FSTL4: variants seen among roughly 807,000 people sequenced by gnomAD.
FSTL4 encodes follistatin like 4, also known as follistatin-related protein 4.
A neutral mutation model predicts 78.2 loss-of-function variants in FSTL4; 28 were observed. That is an observed-to-expected ratio of 0.36 (90% CI 0.27 to 0.49). The LOEUF (loss-of-function observed/expected upper bound fraction) is 0.49, where lower values mean the gene tolerates loss of function less well. FSTL4 is among the 20% of genes least tolerant of loss of function. FSTL4 has a pLI of 0.98. For missense variants in FSTL4, 922 were observed against 1,084.9 expected, an observed-to-expected ratio of 0.85 and a Z score of 2.11; for synonymous variants, 422 against 440.5, an observed-to-expected ratio of 0.96 and a Z score of 0.53.
intron 3 of FSTL4, among the ~76,000 whole-genome samples, chr5:133,417,149 A>G (rs991179276): frequency 2.6e-5 from 4 of 152,256 alleles, no homozygotes; most frequent in African/African-American, 9.6e-5. Context: ...GTAATGAAGG[A>G]ATATATGTCT....
intron 13 of FSTL4, among the ~76,000 whole-genome samples, chr5:133,216,964 A>G (rs1750926423): frequency 6.6e-6 from 1 of 152,206 alleles, no homozygotes; most frequent in South Asian, 2.1e-4. Context: ...CTGGTTTTTC[A>G]TAGTCCTTAT....
At chr5:133,400,324 C>G (rs1443935030) in intron 4 of FSTL4, among the ~76,000 whole-genome samples, 1 of 152,214 alleles carries the variant, frequency 6.6e-6, no homozygotes, top group Non-Finnish European at 1.5e-5. Flanking sequence ...AGACATTGCG[C>G]TGGTGTCTGC....
At chr5:133,502,464 G>T (rs992767351) in intron 3 of FSTL4, among the ~76,000 whole-genome samples, 1 of 152,192 alleles carries the variant, frequency 6.6e-6, no homozygotes, top group African/African-American at 2.4e-5. Flanking sequence ...GTTTGGATCT[G>T]TGTCCCCACG....
chr5:133,778,271 A>G, the FSTL4 span, among the ~76,000 whole-genome samples: 1 of 152,212 alleles, frequency 6.6e-6, no homozygotes, highest in Admixed American at 6.5e-5. Context: ...AGGCTTCTCA[A>G]AGAAAGCCCA....
the FSTL4 span, among the ~76,000 whole-genome samples, chr5:133,654,760 A>G: frequency 6.6e-6 from 1 of 152,172 alleles, no homozygotes; most frequent in Non-Finnish European, 1.5e-5. Flanking sequence ...TCCTTGATGG[A>G]GAGCGCCTGA....
At chr5:133,241,941 A>C (rs929807576) in intron 7 of FSTL4, among the ~76,000 whole-genome samples, 17 of 152,302 alleles carry the variant, frequency 1.1e-4, no homozygotes, top group African/African-American at 4.1e-4. Flanking sequence ...GGCTCATTTC[A>C]GGGACCAAGA....
the FSTL4 span, among the ~76,000 whole-genome samples, chr5:133,696,972 C>T: frequency 5.9e-5 from 9 of 152,338 alleles, no homozygotes; most frequent in Middle Eastern, 3.4e-3. Flanking sequence ...AACACCCTAG[C>T]GTCAGGTCCT....
At chr5:133,517,136 A>G (rs111460588) in intron 3 of FSTL4, among the ~76,000 whole-genome samples, 1 of 151,428 alleles carries the variant, frequency 6.6e-6, no homozygotes, top group African/African-American at 2.4e-5. Flanking sequence ...AAAAATGTAC[A>G]AACTGGCCAG....
chr5:133,604,093 G>C lies in FSTL4; in HGVS notation c.-10-100C>G, dbSNP rs1270620998. On this transcript the variant is annotated intron_variant, in intron 1 of 15. Coordinates refer to ENST00000265342, the MANE Select transcript of FSTL4 (RefSeq NM_015082.2). ...TGTTCCCCAGAATCAGATAAGCCTG[G>C]GTTTAAATCCTGGCACCAAACTTCT... The C allele has an allele frequency of 4.7e-6, 4 of 846,778 alleles. No homozygotes were observed. The East Asian group carries it at 9.9e-5, about 21-fold the overall frequency. The allele number at this position is 846,778 out of a possible 1,614,324, so 52.5% of individuals were successfully genotyped here. A position where few individuals can be genotyped will look rare whatever the true frequency, so the allele number is the denominator to read the frequency against.
chr5:133,481,529 G>T (rs1029908731), intron 3 of FSTL4, among the ~76,000 whole-genome samples: 1 of 123,600 alleles, frequency 8.1e-6, no homozygotes. Flanking sequence ...GTGACAGAGT[G>T]AGACTGTCTC....
chr5:133,499,187 G>T (rs768094850), intron 3 of FSTL4, among the ~76,000 whole-genome samples: 3 of 152,028 alleles, frequency 2.0e-5, no homozygotes, highest in Non-Finnish European at 4.4e-5. Flanking sequence ...CTACACACAG[G>T]AGATCTGCAA....
At chr5:133,300,631 G>A (rs956922052) in intron 6 of FSTL4, among the ~76,000 whole-genome samples, 2 of 152,166 alleles carry the variant, frequency 1.3e-5, no homozygotes, top group Non-Finnish European at 2.9e-5. Context: ...TGAAAGGCAG[G>A]GATGTGACTT....
At chr5:133,540,644 C>T (rs1006506054) in intron 3 of FSTL4, among the ~76,000 whole-genome samples, 2 of 147,494 alleles carry the variant, frequency 1.4e-5, no homozygotes, top group Non-Finnish European at 3.0e-5. Context: ...GACTTTCAAG[C>T]CTGGTGAGTC....
At chr5:133,770,808 A>G in the FSTL4 span, among the ~76,000 whole-genome samples, 2 of 152,080 alleles carry the variant, frequency 1.3e-5, no homozygotes, top group African/African-American at 4.8e-5. Context: ...GCCTAGGCCA[A>G]TGTCCAGAAG....
chr5:133,753,992 T>C, the FSTL4 span, among the ~76,000 whole-genome samples: 2 of 152,198 alleles, frequency 1.3e-5, no homozygotes, highest in African/African-American at 4.8e-5. Flanking sequence ...GCTGTGAGTG[T>C]TAGCATAATG....
Position 133,199,149 on chromosome 5 carries a change from A to G in FSTL4, c.2475T>C (p.Cys825=). Residue 825 remains cysteine, a synonymous_variant, in exon 16 of 16, where the codon TGT becomes TGC. Coordinates refer to ENST00000265342, the MANE Select transcript of FSTL4 (RefSeq NM_015082.2). The surrounding 1 kb of genome is among the most constrained non-coding windows in gnomAD (Gnocchi z 4.4). ...LINGRQNTLR[C]EVSGIKGGTT... is the part of the protein sequence containing the mutation. ...TCCCCCCCTTTATACCTGACACCTCACACCGCAGCGTGTTTTGTCTCCCAT... is the reference window on the plus strand; with the variant it reads ...TCCCCCCCTTTATACCTGACACCTCGCACCGCAGCGTGTTTTGTCTCCCAT... 1 of 1,596,404 alleles carries G rather than the reference A, an allele frequency of 6.3e-7. No homozygotes were observed. The highest frequency in any genetic ancestry group is 8.6e-7 in the Non-Finnish European group (1 of 1,168,982).
intron 3 of FSTL4, among the ~76,000 whole-genome samples, chr5:133,565,264 T>C (rs563531757): frequency 3.9e-5 from 6 of 152,360 alleles, no homozygotes; most frequent in East Asian, 1.9e-4. Flanking sequence ...TGAAGCACCA[T>C]AGTGCTTCTA....
At chr5:133,734,403 A>C in the FSTL4 span, among the ~76,000 whole-genome samples, 1 of 152,226 alleles carries the variant, frequency 6.6e-6, no homozygotes, top group East Asian at 1.9e-4. Context: ...ATATGTGTAC[A>C]AAATATGTGG....
chr5:133,513,933 C>T (rs1758794107), intron 3 of FSTL4, among the ~76,000 whole-genome samples: 1 of 152,270 alleles, frequency 6.6e-6, no homozygotes, highest in East Asian at 1.9e-4. Flanking sequence ...AATCCCAGAA[C>T]TTTGGGAGGC....
Sources: gnomAD v4.1 joint callset for allele counts (sites outside exome capture counted in the v4.1 genomes callset) on GRCh38, gnomAD v4.1.1 for gene constraint, Gnocchi (gnomAD v3.1) non-coding constraint, MANE v1.5 for transcripts, NCBI Gene and HGNC (gene_info 2026-07-23, HGNC 2026-07-21) for gene names.